Variants in CELF4 observed in about 807,000 individuals in gnomAD.
The protein encoded by CELF4 is CUG-BP- and ETR-3-like factor 4.
CELF4 carries 18 observed loss-of-function variants against 59.9 expected under a neutral mutation model. The ratio of observed to expected loss-of-function variants is 0.30; its 90% CI spans 0.21 to 0.45. CELF4 has a LOEUF of 0.45. Ranked by LOEUF, CELF4 falls within the 20% of genes least tolerant of loss-of-function variation. The pLI is 1.00. For missense variants in CELF4, 456 were observed against 689.0 expected, an observed-to-expected ratio of 0.66 and a Z score of 3.79; for synonymous variants, 261 against 267.1, an observed-to-expected ratio of 0.98 and a Z score of 0.22.
Position 37,384,314 on chromosome 18 carries a change from G to C in CELF4, c.370-62433C>G, listed in dbSNP as rs577764581. On this transcript the variant is annotated intron_variant, in intron 2 of 12. Transcript: ENST00000420428. Reference sequence around the variant, plus strand: ...CTAAGTGGCAATCTGGACCCAGTCGGGTTGTGCTAATTTGCACATTAATAT... The same window carrying C: ...CTAAGTGGCAATCTGGACCCAGTCGCGTTGTGCTAATTTGCACATTAATAT... Among the ~76,000 whole-genome samples the C allele has an allele frequency of 3.9e-5, 6 of 152,292 alleles. No individual in the cohort carries two copies. In the South Asian group the frequency reaches 1.0e-3, roughly 26 times the overall value.
chr18:37,274,038 G>A, intron 6 of CELF4: 1 of 1,298,966 alleles, frequency 7.7e-7, no homozygotes, highest in African/African-American at 1.6e-5. Context: ...AAGGCTCAGG[G>A]TAACCCACTT....
At chr18:37,476,768 G>A (rs1380685924) in intron 2 of CELF4, among the ~76,000 whole-genome samples, 2 of 152,150 alleles carry the variant, frequency 1.3e-5, no homozygotes, top group African/African-American at 4.8e-5. Flanking sequence ...CTGGCGAAAG[G>A]TCAACAAACC....
intron 2 of CELF4, among the ~76,000 whole-genome samples, chr18:37,409,151 C>A (rs545311997): frequency 8.9e-4 from 135 of 152,202 alleles, no homozygotes; most frequent in Non-Finnish European, 1.7e-3. Flanking sequence ...ATGTGGCTCT[C>A]CCTGGCGATT....
intron 3 of CELF4, among the ~76,000 whole-genome samples, chr18:37,295,651 TAAAG>T (rs1255837641): frequency 3.3e-5 from 5 of 152,300 alleles, no homozygotes; most frequent in Non-Finnish European, 5.9e-5. Flanking sequence ...TGGAGGCACA[TAAAG>T]AGGTTAAGAA....
intron 1 of CELF4, among the ~76,000 whole-genome samples, chr18:37,486,354 C>T (rs567953220): frequency 6.6e-6 from 1 of 152,324 alleles, no homozygotes; most frequent in Admixed American, 6.5e-5. Flanking sequence ...ACTGAGAAGG[C>T]TCAGTCTAGC....
At chr18:37,272,601 A>T (rs1432126861) in intron 7 of CELF4, among the ~76,000 whole-genome samples, 2 of 148,226 alleles carry the variant, frequency 1.3e-5, no homozygotes, top group African/African-American at 5.0e-5. Context: ...AAAAGACGAC[A>T]CCCAAATGGG....
intron 3 of CELF4, among the ~76,000 whole-genome samples, chr18:37,298,741 A>AT (rs2095826517): frequency 6.6e-6 from 1 of 151,256 alleles, no homozygotes; most frequent in Non-Finnish European, 1.5e-5. Context: ...AAAAAAAAAA[A>AT]ATCCAGTCTT....
chr18:37,303,036 T>C (rs1603403344), intron 3 of CELF4, among the ~76,000 whole-genome samples: 2 of 152,132 alleles, frequency 1.3e-5, no homozygotes, highest in African/African-American at 4.8e-5. Context: ...AACTGAACAC[T>C]GTAGGAGGGG....
At position 37,357,926 on chromosome 18, in the gene CELF4, C is replaced by G. The variant is rs139939628; in HGVS notation, c.370-36045G>C. Among the ~76,000 whole-genome samples, 42 of 152,292 alleles carry G rather than the reference C, an allele frequency of 2.8e-4. 1 individual carries two copies. Among genetic ancestry groups the G allele is most frequent in the Admixed American group, 2.0e-3 (31 of 15,296 alleles). On this transcript the variant is annotated intron_variant, in intron 2 of 12. Coordinates refer to ENST00000420428, the MANE Select transcript of CELF4 (RefSeq NM_020180.4). Reference sequence around the variant, plus strand: ...ATTTGGAATGGCTGTATCTACCCAGCGCCTGTACCCCCACTGTATTTAGGA... The same window carrying G: ...ATTTGGAATGGCTGTATCTACCCAGGGCCTGTACCCCCACTGTATTTAGGA...
Position 37,565,769 on chromosome 18 carries a change from C to CCTCGCTCTCCG in CELF4, c.-139_-129dup, listed in dbSNP as rs1189362112. ...TTCTCTCCCCCTCGGTTTCTCTACACCTCGCTCTCCGCTCGCTCTCTGCTC... is the reference window on the plus strand; with the variant it reads ...TTCTCTCCCCCTCGGTTTCTCTACACCTCGCTCTCCGCTCGCTCTCCGCTCGCTCTCTGCTC... On this transcript the variant is annotated 5_prime_UTR_variant, in exon 1 of 13. Coordinates refer to ENST00000420428, the MANE Select transcript of CELF4 (RefSeq NM_020180.4). The CCTCGCTCTCCG allele has an allele frequency of 4.7e-6, 3 of 642,914 alleles. No individual in the cohort carries two copies. Among genetic ancestry groups the CCTCGCTCTCCG allele is most frequent in the Non-Finnish European group, 7.3e-6 (3 of 409,226 alleles). 39.8% of individuals were successfully genotyped at this position (642,914 alleles called of 1,614,324 possible). A position where few individuals can be genotyped will look rare whatever the true frequency, so the allele number is the denominator to read the frequency against.
intron 1 of CELF4, among the ~76,000 whole-genome samples, chr18:37,561,145 G>A (rs1300869911): frequency 6.6e-6 from 1 of 152,198 alleles, no homozygotes; most frequent in Non-Finnish European, 1.5e-5. Flanking sequence ...GAAGTATGAG[G>A]GGCTGAAATC....
chr18:37,276,828 G>A (rs944272185), intron 3 of CELF4, among the ~76,000 whole-genome samples: 2 of 152,198 alleles, frequency 1.3e-5, no homozygotes, highest in Non-Finnish European at 2.9e-5. Context: ...GCAGGCACTC[G>A]CTAGATGTTT....
intron 1 of CELF4, among the ~76,000 whole-genome samples, chr18:37,556,271 T>G (rs2056716486): frequency 6.6e-6 from 1 of 152,196 alleles, no homozygotes; most frequent in African/African-American, 2.4e-5. Flanking sequence ...GCTGCAGGCT[T>G]GACTTTGGGC....
intron 2 of CELF4, among the ~76,000 whole-genome samples, chr18:37,393,322 C>T (rs539194961): frequency 6.6e-6 from 1 of 152,302 alleles, no homozygotes; most frequent in African/African-American, 2.4e-5. Context: ...CCACTCAGAG[C>T]CATGGAAACA....
At chr18:37,346,090 A>G (rs2098247651) in intron 2 of CELF4, among the ~76,000 whole-genome samples, 1 of 152,160 alleles carries the variant, frequency 6.6e-6, no homozygotes, top group Non-Finnish European at 1.5e-5. Flanking sequence ...CACAGAGGCC[A>G]TTTCTGTAGT....
chr18:37,479,925 A>G (rs1385616513), intron 2 of CELF4, among the ~76,000 whole-genome samples: 1 of 152,184 alleles, frequency 6.6e-6, no homozygotes, highest in South Asian at 2.1e-4. Context: ...TGTACATTGG[A>G]AAGATGATGC....
intron 3 of CELF4, among the ~76,000 whole-genome samples, chr18:37,311,086 A>G (rs1310678026): frequency 6.6e-6 from 1 of 151,668 alleles, no homozygotes; most frequent in Non-Finnish European, 1.5e-5. Flanking sequence ...CCTTTGCTAA[A>G]TTAGCCGGGG....
intron 1 of CELF4, among the ~76,000 whole-genome samples, chr18:37,528,624 T>G (rs2154604961): frequency 6.6e-6 from 1 of 152,292 alleles, no homozygotes; most frequent in South Asian, 2.1e-4. Context: ...AAAGTGTGTG[T>G]GGGTGTGTTT....
intron 3 of CELF4, 141 bp downstream of exon 3, chr18:37,321,662 T>G (rs1481174766): frequency 1.7e-6 from 1 of 604,446 alleles, no homozygotes; most frequent in African/African-American, 1.9e-5. Context: ...GCTCCAAAGC[T>G]CTGTCCCCAA....
Sources: gnomAD v4.1 joint callset for allele counts (sites outside exome capture counted in the v4.1 genomes callset) on GRCh38, gnomAD v4.1.1 for gene constraint, MANE v1.5 for transcripts, NCBI Gene and HGNC (gene_info 2026-07-23, HGNC 2026-07-21) for gene names.